Variants in COPA observed in about 807,000 individuals in gnomAD.
COPA encodes coat protein complex I subunit alpha, also known as coatomer subunit alpha.
COPA carries 10 observed loss-of-function variants against 158.7 expected under a neutral mutation model. That is an observed-to-expected ratio of 0.06 (90% CI 0.04 to 0.11). The LOEUF is 0.11. Ranked by LOEUF, COPA falls within the 10% of genes least tolerant of loss-of-function variation. The pLI is 1.00. For missense variants in COPA, 1,065 were observed against 1,536.7 expected, an observed-to-expected ratio of 0.69 and a Z score of 5.13; for synonymous variants, 462 against 542.8, an observed-to-expected ratio of 0.85 and a Z score of 2.07.
chr1:160,338,944 C>G (rs1253613468), intron 3 of COPA, among the ~76,000 whole-genome samples: 1 of 152,152 alleles, frequency 6.6e-6, no homozygotes, highest in Non-Finnish European at 1.5e-5. Flanking sequence ...GCACAGACAC[C>G]TCAACTAGAC....
rs1455540861 is a variant in COPA, at chr1:160,289,965, T to C, written c.*192A>G. 8.1e-6 allele frequency: 5 copies of C among 613,732 alleles called. No individual in the cohort carries two copies. The highest frequency in any genetic ancestry group is 5.6e-5 in the African/African-American group (3 of 53,908). 38.0% of individuals were successfully genotyped at this position (613,732 alleles called of 1,614,324 possible). On this transcript the variant is annotated 3_prime_UTR_variant, in exon 33 of 33. Transcript: ENST00000241704. ...AATTATGAGCACAACTGTAGTCAAGTTGAGAAGACCTCAAAAAAGTCAAGT... is the reference window on the plus strand; with the variant it reads ...AATTATGAGCACAACTGTAGTCAAGCTGAGAAGACCTCAAAAAAGTCAAGT...
chr1:160,293,256 C>T lies in COPA; in HGVS notation c.2755-22G>A, dbSNP rs367778679. The T allele has an allele frequency of 2.5e-6, 4 of 1,613,872 alleles. No individual in the cohort carries two copies. In the African/African-American group the frequency reaches 5.3e-5, roughly 22 times the overall value. On this transcript the variant is annotated intron_variant, in intron 26 of 32. Transcript: ENST00000241704. The stretch of plus-strand genomic sequence containing the variant: ...AGATCTAACAAGAAACAAAAAAACC[C>T]AAGCCAAGTGAAACTTTGTCCCTTC...
chr1:160,329,721 C>G (rs1222540346), intron 6 of COPA, among the ~76,000 whole-genome samples: 1 of 152,200 alleles, frequency 6.6e-6, no homozygotes, highest in Non-Finnish European at 1.5e-5. Flanking sequence ...ATAGCATTAG[C>G]TATATACCAT....
At chr1:160,313,928 T>C in intron 9 of COPA, 62 bp downstream of exon 9, 1 of 1,458,202 alleles carries the variant, frequency 6.9e-7, no homozygotes, top group Non-Finnish European at 9.2e-7. Context: ...AAAGAAGTAT[T>C]CCAATCTAAT....
At chr1:160,336,750 A>G (rs540269885) in intron 3 of COPA, among the ~76,000 whole-genome samples, 20 of 152,258 alleles carry the variant, frequency 1.3e-4, no homozygotes, top group Admixed American at 8.5e-4. Context: ...TTTATAATCA[A>G]TCTGGGCCAG....
At chr1:160,321,459 C>T (rs986415501) in intron 8 of COPA, among the ~76,000 whole-genome samples, 4 of 152,176 alleles carry the variant, frequency 2.6e-5, no homozygotes, top group Admixed American at 1.3e-4. Flanking sequence ...ATGATAAATT[C>T]AGTCCAGCTG....
chr1:160,315,417 G>A (rs1659097920), intron 8 of COPA, among the ~76,000 whole-genome samples: 1 of 152,346 alleles, frequency 6.6e-6, no homozygotes, highest in South Asian at 2.1e-4. Context: ...CAGAGTGGCT[G>A]CTCAGCAGCA....
At chr1:160,306,548 G>C in intron 14 of COPA, 55 bp from the exon 15 acceptor site, 1 of 1,597,216 alleles carries the variant, frequency 6.3e-7, no homozygotes, top group South Asian at 1.1e-5. Context: ...AGATGATGAT[G>C]ACAACTGATG....
chr1:160,329,856 T>C (rs187864171), intron 6 of COPA, among the ~76,000 whole-genome samples: 46 of 152,328 alleles, frequency 3.0e-4, no homozygotes, highest in African/African-American at 1.0e-3. Flanking sequence ...CTCGTGCTTG[T>C]AATCCCAGCA....
Position 160,291,805 on chromosome 1 carries a change from C to T in COPA, c.3258+14G>A. On this transcript the variant is annotated intron_variant, in intron 30 of 32. Transcript: ENST00000241704. ...AGGACGTCTCTGTTGTGCTCAGGGT[C>T]CTATAGATCTTACCTCACAGATGCG... The T allele has an allele frequency of 6.2e-7, 1 of 1,611,874 alleles. No homozygotes were observed. Among genetic ancestry groups the T allele is most frequent in the Admixed American group, 1.7e-5 (1 of 60,010 alleles).
chr1:160,289,423 A>C lies in COPA; in HGVS notation c.*734T>G, dbSNP rs1658145145. ...ACAGAGGGTACCTGCCTTGAAATTT[A>C]AATGTCTAAGGAAAATGGGAGATGA... On this transcript the variant is annotated 3_prime_UTR_variant, in exon 33 of 33. Coordinates refer to ENST00000241704, the MANE Select transcript of COPA (RefSeq NM_004371.4). 1 of 152,166 alleles carries C rather than the reference A, an allele frequency of 6.6e-6. No homozygotes were observed. The highest frequency in any genetic ancestry group is 2.1e-4 in the South Asian group (1 of 4,828). 9.4% of individuals were successfully genotyped at this position (152,166 alleles called of 1,614,324 possible). A position where few individuals can be genotyped will look rare whatever the true frequency, so the allele number is the denominator to read the frequency against.
intron 17 of COPA, among the ~76,000 whole-genome samples, chr1:160,304,556 C>T (rs531459202): frequency 2.5e-4 from 38 of 151,796 alleles, no homozygotes; most frequent in South Asian, 1.9e-3. Flanking sequence ...CCCAGCTACT[C>T]GGGAGGCTGA....
intron 7 of COPA, 109 bp downstream of exon 7, chr1:160,325,434 T>A: frequency 1.1e-6 from 1 of 940,216 alleles, no homozygotes. Flanking sequence ...GCCTGGCACT[T>A]AATAAGCACT....
rs544851803 is a variant in COPA at position 160,301,603 on chromosome 1, T to C, written c.1668-2339A>G. 2.5e-4 allele frequency among the ~76,000 whole-genome samples: 38 copies of C among 151,920 alleles called. No homozygotes were observed. The South Asian group carries it at 7.7e-3, about 31-fold the overall frequency. On this transcript the variant is annotated intron_variant, in intron 17 of 32. Transcript: ENST00000241704. ...GCCTGAGCAACATGGTGAAACCCCA[T>C]CACTACAAAAAAAACAAAAATGAGC...
At position 160,290,465 on chromosome 1, in the gene COPA, G is replaced by T. The variant is rs759710122; in HGVS notation, c.3615+27C>A. 6 of 1,603,682 alleles carry T rather than the reference G, an allele frequency of 3.7e-6. No homozygotes were observed. In the African/African-American group the frequency reaches 8.1e-5, roughly 22 times the overall value. On this transcript the variant is annotated intron_variant, in intron 32 of 32. Coordinates refer to ENST00000241704, the MANE Select transcript of COPA (RefSeq NM_004371.4). ...TTTTTCCCCTTCGCTCAATATCCTA[G>T]ATATATTTATTGAGGACAGTACTTA...
At chr1:160,312,529 T>G (rs999731021) in intron 10 of COPA, among the ~76,000 whole-genome samples, 3 of 152,250 alleles carry the variant, frequency 2.0e-5, no homozygotes, top group Non-Finnish European at 2.9e-5. Flanking sequence ...ACTCTTGTTC[T>G]CCTACTGTCT....
At chr1:160,314,368 C>A (rs1238702291) in intron 8 of COPA, among the ~76,000 whole-genome samples, 1 of 152,120 alleles carries the variant, frequency 6.6e-6, no homozygotes, top group Non-Finnish European at 1.5e-5. Context: ...GTGGCTCACA[C>A]CTGTAATCCC....
At position 160,289,811 on chromosome 1, in the gene COPA, G is replaced by A. The variant is rs1423181575; in HGVS notation, c.*346C>T. 14 of 178,258 alleles carry A rather than the reference G, an allele frequency of 7.9e-5. No individual in the cohort carries two copies. The highest frequency in any genetic ancestry group is 1.9e-4 in the Admixed American group (3 of 15,986). The allele number at this position is 178,258 out of a possible 1,614,324, so 11.0% of individuals were successfully genotyped here. A position where few individuals can be genotyped will look rare whatever the true frequency, so the allele number is the denominator to read the frequency against. ...TTGCCATGTTGGCCAGGCAGGTCTCGAACTCCTGGCCTCAGATGATCTGCC... is the reference window on the plus strand; with the variant it reads ...TTGCCATGTTGGCCAGGCAGGTCTCAAACTCCTGGCCTCAGATGATCTGCC... On this transcript the variant is annotated 3_prime_UTR_variant, in exon 33 of 33. Transcript: ENST00000241704.
chr1:160,321,143 C>T (rs1659320880), intron 8 of COPA, among the ~76,000 whole-genome samples: 1 of 152,116 alleles, frequency 6.6e-6, no homozygotes. Flanking sequence ...TAAAATTCAA[C>T]ATCCCTTTAT....
Sources: gnomAD v4.1 joint callset for allele counts (sites outside exome capture counted in the v4.1 genomes callset) on GRCh38, gnomAD v4.1.1 for gene constraint, MANE v1.5 for transcripts, NCBI Gene and HGNC (gene_info 2026-07-23, HGNC 2026-07-21) for gene names.